BACE2: variants seen among roughly 807,000 people sequenced by gnomAD.
BACE2 encodes 56 kDa aspartic-like protease.
A neutral mutation model predicts 46.2 loss-of-function variants in BACE2; 17 were observed. The observed-to-expected ratio is 0.37, with a 90% CI of 0.25 to 0.55. The LOEUF (loss-of-function observed/expected upper bound fraction) is 0.55, where lower values mean the gene tolerates loss of function less well. Among genes scored for constraint, BACE2 ranks in the 20% least tolerant of loss-of-function variants. The pLI is 0.82. For missense variants in BACE2, 595 were observed against 698.1 expected (o/e 0.85, Z 1.66); for synonymous variants, 277 against 295.9 (o/e 0.94, Z 0.66).
chr21:41,243,702 T>C (rs1195198475), intron 5 of BACE2, among the ~76,000 whole-genome samples, 192 bp downstream of exon 5: 1 of 152,142 alleles, frequency 6.6e-6, no homozygotes, highest in Non-Finnish European at 1.5e-5. Flanking sequence ...CCACCCCAAA[T>C]ATTGCATCCT....
rs143277784 is a variant in BACE2, at chr21:41,214,433, G to A, written c.313-11833G>A. Among the ~76,000 whole-genome samples the A allele has an allele frequency of 1.5e-4, 23 of 152,256 alleles. 1 individual carries two copies. The East Asian group carries it at 3.7e-3, about 24-fold the overall frequency. On this transcript the variant is annotated intron_variant, in intron 1 of 8. Coordinates refer to ENST00000330333, the MANE Select transcript of BACE2 (RefSeq NM_012105.5). ...ATTATTTTGTAAAATCTGATGATGCGGTTTTGGGCAGGGCTGCTGGAACTG... is the reference window on the plus strand; with the variant it reads ...ATTATTTTGTAAAATCTGATGATGCAGTTTTGGGCAGGGCTGCTGGAACTG...
intron 2 of BACE2, 124 bp downstream of exon 2, chr21:41,226,478 G>C: frequency 1.3e-6 from 1 of 783,812 alleles, no homozygotes; most frequent in Non-Finnish European, 2.1e-6. Context: ...CAATATGTAT[G>C]TGTATGTATA....
chr21:41,242,507 A>G (rs896038515), intron 4 of BACE2, among the ~76,000 whole-genome samples: 4 of 152,164 alleles, frequency 2.6e-5, no homozygotes, highest in Admixed American at 6.5e-5. Flanking sequence ...GGAAGAATGC[A>G]CTAGAAGGGG....
At chr21:41,273,115 A>G (rs2088450209) in intron 8 of BACE2, among the ~76,000 whole-genome samples, 2 of 152,196 alleles carry the variant, frequency 1.3e-5, no homozygotes, top group South Asian at 4.1e-4. Context: ...GTGTACGAAT[A>G]GGGTGTGGGT....
chr21:41,226,247 T>C lies in BACE2; in HGVS notation c.313-19T>C, dbSNP rs776977651. 191 of 1,592,896 alleles carry C rather than the reference T, an allele frequency of 1.2e-4. No individual in the cohort carries two copies. Among genetic ancestry groups the C allele is most frequent in the Non-Finnish European group, 1.5e-4 (180 of 1,170,268 alleles). ...AACTTGATGCTTTCTATTTTTTTTTTCTCCTTAAAACATAAAAGCTACAGA... is the reference window on the plus strand; with the variant it reads ...AACTTGATGCTTTCTATTTTTTTTTCCTCCTTAAAACATAAAAGCTACAGA... On this transcript the variant is annotated intron_variant, in intron 1 of 8. Coordinates refer to ENST00000330333, the MANE Select transcript of BACE2 (RefSeq NM_012105.5).
chr21:41,208,192 C>G (rs1259767845), intron 1 of BACE2, among the ~76,000 whole-genome samples: 3 of 152,242 alleles, frequency 2.0e-5, no homozygotes, highest in Non-Finnish European at 4.4e-5. Flanking sequence ...ACAGACACAC[C>G]TTTCTAAGGG....
chr21:41,198,918 A>G (rs1295550257), intron 1 of BACE2, among the ~76,000 whole-genome samples: 1 of 151,340 alleles, frequency 6.6e-6, no homozygotes, highest in Non-Finnish European at 1.5e-5. Context: ...CATGTGTACA[A>G]TGTGCAGGTT....
intron 1 of BACE2, among the ~76,000 whole-genome samples, chr21:41,196,190 T>C (rs1052469779): frequency 1.3e-5 from 2 of 151,738 alleles, no homozygotes; most frequent in Non-Finnish European, 2.9e-5. Context: ...CCCAGCTGCT[T>C]GGGAGGCTGA....
intron 1 of BACE2, among the ~76,000 whole-genome samples, chr21:41,188,297 A>G (rs1203020612): frequency 6.6e-6 from 1 of 152,166 alleles, no homozygotes; most frequent in African/African-American, 2.4e-5. Flanking sequence ...CATATGCCTC[A>G]TTGCCTGGGT....
intron 1 of BACE2, chr21:41,181,775 AGGT>A (rs1450935440): frequency 6.0e-6 from 1 of 167,026 alleles, no homozygotes; most frequent in Non-Finnish European, 1.5e-5. Context: ...GTTAGTTAGG[AGGT>A]CTGGGGACAT....
chr21:41,266,972 G>C (rs563320476), intron 8 of BACE2, among the ~76,000 whole-genome samples: 2 of 152,052 alleles, frequency 1.3e-5, no homozygotes, highest in African/African-American at 4.8e-5. Context: ...GTGTGTGTGT[G>C]TGTGTGTGTT....
chr21:41,265,557 T>A (rs1988047068), intron 8 of BACE2, among the ~76,000 whole-genome samples: 1 of 152,134 alleles, frequency 6.6e-6, no homozygotes, highest in Non-Finnish European at 1.5e-5. Flanking sequence ...TTTCTATGAG[T>A]GAGATTGAGT....
chr21:41,247,186 G>T (rs879696834), intron 6 of BACE2, among the ~76,000 whole-genome samples: 11 of 152,190 alleles, frequency 7.2e-5, no homozygotes, highest in Non-Finnish European at 1.5e-4. Flanking sequence ...GCAGAAACGT[G>T]ACAAGCGGGA....
intron 1 of BACE2, among the ~76,000 whole-genome samples, chr21:41,204,302 A>C (rs1041437357): frequency 6.6e-6 from 1 of 152,176 alleles, no homozygotes; most frequent in African/African-American, 2.4e-5. Flanking sequence ...CGGCCCCCCA[A>C]AATGCAGGGA....
chr21:41,241,786 A>T, intron 3 of BACE2, 33 bp from the exon 4 acceptor site: 1 of 1,613,064 alleles, frequency 6.2e-7, no homozygotes, highest in Non-Finnish European at 8.5e-7. Flanking sequence ...TGTGAGTCCT[A>T]AGCGGGTGCC....
chr21:41,258,675 G>GC (rs1183248623), intron 8 of BACE2, among the ~76,000 whole-genome samples: 2 of 95,944 alleles, frequency 2.1e-5, no homozygotes, highest in Non-Finnish European at 2.3e-5. Flanking sequence ...AGGAAAGATT[G>GC]CAGTGGACTA....
rs1352764676 is a variant in BACE2 at position 41,226,314 on chromosome 21, A to G, written c.361A>G (p.Thr121Ala). The change falls in exon 2 of 9, where the codon ACC becomes GCC. Residue 121 changes from threonine to alanine, a missense_variant. Transcript: ENST00000330333. ...TGSSNFAVAG[T>A]PHSYIDTYFD... ...AAGCAGTAACTTTGCCGTGGCAGGAACCCCGCACTCCTACATAGACACGTA... is the reference window on the plus strand; with the variant it reads ...AAGCAGTAACTTTGCCGTGGCAGGAGCCCCGCACTCCTACATAGACACGTA... 6.2e-7 allele frequency: 1 copy of G among 1,614,042 alleles called. No homozygotes were observed. The highest frequency in any genetic ancestry group is 1.7e-5 in the Admixed American group (1 of 59,998).
At position 41,250,742 on chromosome 21, in the gene BACE2, T is replaced by C. The variant is rs1987614155; in HGVS notation, c.985-10T>C. ...AGTCATGGTTTCTGATGTGATCTTG[T>C]TTTGTCTAGATTCCAGAATTCTCTG... On this transcript the variant is annotated splice_polypyrimidine_tract_variant and intron_variant, in intron 6 of 8. Coordinates refer to ENST00000330333, the MANE Select transcript of BACE2 (RefSeq NM_012105.5). 5 of 1,613,900 alleles carry C rather than the reference T, an allele frequency of 3.1e-6. No homozygotes were observed. The East Asian group carries it at 1.1e-4, about 36-fold the overall frequency.
chr21:41,243,922 C>A (rs562266064), intron 5 of BACE2, among the ~76,000 whole-genome samples: 1 of 151,562 alleles, frequency 6.6e-6, no homozygotes, highest in South Asian at 2.1e-4. Flanking sequence ...CAGCTTTTAT[C>A]CTCCATTCAC....
Sources: allele counts gnomAD v4.1 joint callset (sites outside exome capture counted in the v4.1 genomes callset), GRCh38; gene constraint gnomAD v4.1.1; transcripts MANE v1.5; gene names NCBI Gene and HGNC (gene_info 2026-07-23, HGNC 2026-07-21).